The following ALMS1 variants were observed in gnomAD, a reference collection of about 807,000 sequenced individuals.
ALMS1 encodes the protein ALMS1 centrosome and basal body associated protein.
ALMS1 carries 271 observed loss-of-function variants against 352.2 expected under a neutral mutation model. The observed-to-expected ratio is 0.77, with a 90% CI of 0.70 to 0.85. The LOEUF (loss-of-function observed/expected upper bound fraction) is 0.85. Among genes scored for constraint, ALMS1 ranks in the 40% least tolerant of loss-of-function variants. The probability of loss-of-function intolerance (pLI) is 0.00; values close to 1 mark genes in which losing one functional copy is unlikely to be tolerated. For synonymous variants in ALMS1, 1,865 were observed against 1,761.2 expected, an observed-to-expected ratio of 1.06 and a Z score of -1.48; for missense variants, 5,445 against 4,870.7, an observed-to-expected ratio of 1.12 and a Z score of -3.51.
intron 12 of ALMS1, among the ~76,000 whole-genome samples, chr2:73,546,677 C>G (rs1674327243): frequency 6.6e-6 from 1 of 152,106 alleles, no homozygotes; most frequent in African/African-American, 2.4e-5. Context: ...GAGCTGAACT[C>G]TAGAGGATGG....
chr2:73,441,518 T>A (rs1671717563), intron 7 of ALMS1, among the ~76,000 whole-genome samples: 1 of 152,168 alleles, frequency 6.6e-6, no homozygotes, highest in Non-Finnish European at 1.5e-5. Context: ...CTGCTAAGTC[T>A]GCTGGGCTGC....
intron 16 of ALMS1, among the ~76,000 whole-genome samples, chr2:73,574,002 A>G (rs1675000659): frequency 6.6e-6 from 1 of 152,168 alleles, no homozygotes; most frequent in Non-Finnish European, 1.5e-5. Context: ...AGCCTTGTGG[A>G]TGTGGTCGCT....
chr2:73,590,797 G>T (rs1206792927), intron 16 of ALMS1, among the ~76,000 whole-genome samples: 2 of 149,610 alleles, frequency 1.3e-5, no homozygotes, highest in African/African-American at 2.5e-5. Flanking sequence ...TCCTGCCTCA[G>T]CCTCCTGAGT....
At chr2:73,531,479 G>C (rs1673908779) in intron 11 of ALMS1, among the ~76,000 whole-genome samples, 1 of 152,154 alleles carries the variant, frequency 6.6e-6, no homozygotes, top group Non-Finnish European at 1.5e-5. Context: ...CCATATCACT[G>C]TCAGCATTTT....
In ALMS1 at chr2:73,448,246, T is replaced by C; in HGVS notation, c.1719T>C (p.Ser573=). The part of the protein sequence containing the change: ...QKTATPTVLS[S]SHSHRGKPSI... ...CTGCAACACCAACAGTACTCTCTAGTTCCCACTCACATAGGGGGAAGCCCA... is the reference window on the plus strand; with the variant it reads ...CTGCAACACCAACAGTACTCTCTAGCTCCCACTCACATAGGGGGAAGCCCA... The change falls in exon 8 of 23, where the codon AGT becomes AGC. Residue 573 remains serine (S), a synonymous_variant. Transcript: ENST00000613296. 6.2e-7 allele frequency: 1 copy of C among 1,613,944 alleles called. No individual in the cohort carries two copies. The highest frequency in any genetic ancestry group is 1.1e-5 in the South Asian group (1 of 91,068).
intron 16 of ALMS1, among the ~76,000 whole-genome samples, chr2:73,598,485 A>G (rs1021382138): frequency 5.9e-5 from 9 of 152,210 alleles, no homozygotes; most frequent in African/African-American, 2.2e-4. Flanking sequence ...AGTGTCTAAC[A>G]TAGATCTTCC....
At chr2:73,408,323 T>C (rs1438601595) in intron 1 of ALMS1, among the ~76,000 whole-genome samples, 2 of 152,238 alleles carry the variant, frequency 1.3e-5, no homozygotes, top group Non-Finnish European at 2.9e-5. Flanking sequence ...TTGGGGTTGA[T>C]TTTTAACTGT....
chr2:73,395,199 C>T (rs949503632), intron 1 of ALMS1, among the ~76,000 whole-genome samples: 15 of 150,028 alleles, frequency 1.0e-4, no homozygotes, highest in African/African-American at 3.7e-4. Context: ...CTCATGTCAG[C>T]CTCCTGAGTA....
At chr2:73,597,781 C>T (rs941445526) in intron 16 of ALMS1, among the ~76,000 whole-genome samples, 2 of 142,198 alleles carry the variant, frequency 1.4e-5, no homozygotes, top group Non-Finnish European at 3.1e-5. Flanking sequence ...TGACACAGAG[C>T]TTTTTTTTTT....
intron 15 of ALMS1, among the ~76,000 whole-genome samples, chr2:73,568,651 A>C (rs1558697827): frequency 6.6e-6 from 1 of 152,220 alleles, no homozygotes; most frequent in Non-Finnish European, 1.5e-5. Context: ...GGAGGTTCAG[A>C]GATAACCGGG....
intron 15 of ALMS1, among the ~76,000 whole-genome samples, chr2:73,563,105 A>G (rs1025608399): frequency 6.6e-6 from 1 of 151,836 alleles, no homozygotes; most frequent in African/African-American, 2.4e-5. Context: ...TTAAAAAAAA[A>G]AAAACTTCTT....
At position 73,448,887 on chromosome 2, in the gene ALMS1, G is replaced by T; in HGVS notation, c.2360G>T (p.Gly787Val). The part of the protein sequence containing the change: ...DLADSHLPEE[G>V]LKVSAVAGPA... ...GCAGACAGTCATCTACCTGAAGAGG[G>T]TCTGAAAGTTTCAGCTGTTGCTGGA... Residue 787 changes from glycine (G) to valine (V), a missense_variant, in exon 8 of 23, where the codon GGT becomes GTT. Physicochemically the swap from Gly to Val is moderately radical, Grantham distance 109. Transcript: ENST00000613296. 4 of 1,613,168 alleles carry T rather than the reference G, an allele frequency of 2.5e-6. No homozygotes were observed. The highest frequency in any genetic ancestry group is 3.4e-6 in the Non-Finnish European group (4 of 1,179,750).
intron 9 of ALMS1, among the ~76,000 whole-genome samples, chr2:73,478,660 A>G (rs200116603): frequency 6.6e-5 from 2 of 30,260 alleles, no homozygotes; most frequent in South Asian, 1.9e-3. Context: ...TTATTCGTTT[A>G]TTTATTTATT....
chr2:73,464,511 A>C (rs1416620101), intron 9 of ALMS1, among the ~76,000 whole-genome samples: 1 of 152,198 alleles, frequency 6.6e-6, no homozygotes, highest in African/African-American at 2.4e-5. Flanking sequence ...CAAAAACTGG[A>C]AGCATTCCCT....
chr2:73,452,191 A>G lies in ALMS1; in HGVS notation c.5664A>G (p.Ile1888Met). 1 of 1,614,112 alleles carries G rather than the reference A, an allele frequency of 6.2e-7. No individual in the cohort carries two copies. Among genetic ancestry groups the G allele is most frequent in the South Asian group, 1.1e-5 (1 of 91,078 alleles). Reference protein sequence around the residue: ...VPGPADQKTGIQIASSSSYSN... With the variant: ...VPGPADQKTGMQIASSSSYSN... ...GGCCTGCTGACCAGAAGACTGGGAT[A>G]CAAATAGCATCCTCTAGTTCCTACT... The change falls in exon 8 of 23, where the codon ATA becomes ATG. Residue 1888 changes from isoleucine (I) to methionine (M), a missense_variant. Physicochemically the swap from Ile to Met is conservative, Grantham distance 10. Transcript: ENST00000613296.
At chr2:73,520,292 G>C (rs529009425) in intron 11 of ALMS1, among the ~76,000 whole-genome samples, 1 of 152,276 alleles carries the variant, frequency 6.6e-6, no homozygotes, top group African/African-American at 2.4e-5. Flanking sequence ...AATGCAAGTA[G>C]TTCATAACAA....
At position 73,490,557 on chromosome 2, in the gene ALMS1, A is replaced by T. The variant is rs1672958120; in HGVS notation, c.8598A>T (p.Lys2866Asn). 1.9e-6 allele frequency: 3 copies of T among 1,614,220 alleles called. No homozygotes were observed. The East Asian group carries it at 6.7e-5, about 36-fold the overall frequency. ...VNRSSSRLGV[K>N]EKNVTITPDL... is the part of the protein sequence containing the mutation. ...GATCGAGTTCCAGACTAGGAGTAAA[A>T]GAGAAGAATGTAACTATAACTCCAG... is the stretch of plus-strand genomic sequence containing the variant. The change falls in exon 10 of 23, where the codon AAA becomes AAT. Residue 2866 changes from lysine (K) to asparagine (N), a missense_variant. By Grantham distance (94) the Lys-to-Asn change is moderately conservative. Transcript: ENST00000613296.
At chr2:73,413,616 G>T (rs1671122782) in intron 2 of ALMS1, among the ~76,000 whole-genome samples, 1 of 152,194 alleles carries the variant, frequency 6.6e-6, no homozygotes, top group Non-Finnish European at 1.5e-5. Flanking sequence ...CATGGTTGAA[G>T]GGAGAGGCGT....
chr2:73,413,581 T>C (rs1197747706), intron 2 of ALMS1, among the ~76,000 whole-genome samples: 2 of 152,196 alleles, frequency 1.3e-5, no homozygotes, highest in Non-Finnish European at 2.9e-5. Flanking sequence ...CCATCCGGAA[T>C]GCTTTCTGAC....
Sources: allele counts gnomAD v4.1 joint callset (sites outside exome capture counted in the v4.1 genomes callset), GRCh38; gene constraint gnomAD v4.1.1; transcripts MANE v1.5; gene names NCBI Gene and HGNC (gene_info 2026-07-23, HGNC 2026-07-21).